The following LHCGR variants were observed in gnomAD, a reference collection of about 807,000 sequenced individuals.
LHCGR encodes lutropin-choriogonadotropic hormone receptor.
LHCGR carries 55 observed loss-of-function variants against 60.7 expected under a neutral mutation model. The ratio of observed to expected loss-of-function variants is 0.91; its 90% confidence interval spans 0.73 to 1.13. The LOEUF is 1.13. LHCGR is among the 50% of genes most tolerant of loss of function. The pLI, the probability that LHCGR is intolerant of heterozygous loss-of-function variation, is 0.00. For missense variants in LHCGR, 862 were observed against 836.0 expected (o/e 1.03, Z -0.38); for synonymous variants, 337 against 316.5 (o/e 1.06, Z -0.69).
intron 1 of LHCGR, among the ~76,000 whole-genome samples, chr2:48,734,270 A>G (rs1328403085): frequency 6.6e-6 from 1 of 152,214 alleles, no homozygotes; most frequent in East Asian, 1.9e-4. Flanking sequence ...GATATAATAT[A>G]CTGTTTGCAG....
At chr2:48,755,089 C>T (rs1670147171) in intron 1 of LHCGR, among the ~76,000 whole-genome samples, 1 of 152,104 alleles carries the variant, frequency 6.6e-6, no homozygotes, top group South Asian at 2.1e-4. Context: ...TAGAGGACCA[C>T]AGGGTGCCAG....
intron 1 of LHCGR, among the ~76,000 whole-genome samples, chr2:48,731,859 A>T (rs1021528723): frequency 1.4e-4 from 22 of 152,184 alleles, no homozygotes; most frequent in African/African-American, 5.1e-4. Context: ...CATTAAGAAC[A>T]TGCTCCCATC....
intron 8 of LHCGR, among the ~76,000 whole-genome samples, chr2:48,701,164 G>A (rs1667389713): frequency 6.6e-6 from 1 of 152,082 alleles, no homozygotes; most frequent in African/African-American, 2.4e-5. Flanking sequence ...ACAGACTTTG[G>A]GTTTTATAAT....
At chr2:48,711,726 C>G (rs1173312367) in intron 7 of LHCGR, among the ~76,000 whole-genome samples, 1 of 152,038 alleles carries the variant, frequency 6.6e-6, no homozygotes, top group South Asian at 2.1e-4. Context: ...ATTTAATATT[C>G]AGTTCTTTTA....
chr2:48,750,873 G>T (rs1273618083), intron 1 of LHCGR, among the ~76,000 whole-genome samples: 4 of 152,194 alleles, frequency 2.6e-5, no homozygotes, highest in African/African-American at 7.2e-5. Context: ...CACAATTTGG[G>T]AAGGCAGCGC....
chr2:48,726,511 C>T (rs1161019361), intron 3 of LHCGR, among the ~76,000 whole-genome samples: 1 of 152,206 alleles, frequency 6.6e-6, no homozygotes, highest in Admixed American at 6.5e-5. Flanking sequence ...CTCCCTCATT[C>T]CCCTAATTAC....
rs58335798 is a variant in LHCGR, at chr2:48,748,667, T to C, written c.161+6844A>G. Among the ~76,000 whole-genome samples, 913 of 152,350 alleles carry C rather than the reference T, an allele frequency of 6.0e-3. 8 individuals are homozygous for C. The highest frequency in any genetic ancestry group is 0.02 in the African/African-American group (842 of 41,574). On this transcript the variant is annotated intron_variant, in intron 1 of 10. Transcript: ENST00000294954. ...CCTCACATATGGGCTGTGGGTTTTTTAGTCTTCTCTGCATCATCAGATTAT... is the reference window on the plus strand; with the variant it reads ...CCTCACATATGGGCTGTGGGTTTTTCAGTCTTCTCTGCATCATCAGATTAT...
At chr2:48,745,454 C>T (rs1669657121) in intron 1 of LHCGR, among the ~76,000 whole-genome samples, 1 of 151,938 alleles carries the variant, frequency 6.6e-6, no homozygotes, top group Non-Finnish European at 1.5e-5. Flanking sequence ...GCCAAATGTC[C>T]AACAATGATA....
At chr2:48,709,410 C>T (rs775674451) in intron 7 of LHCGR, among the ~76,000 whole-genome samples, 2 of 152,194 alleles carry the variant, frequency 1.3e-5, no homozygotes, top group Admixed American at 6.5e-5. Flanking sequence ...GCCTCTCAGT[C>T]ATTGTGACCG....
rs1336192103 is a variant in LHCGR at position 48,688,957 on chromosome 2, A to G, written c.948-108T>C. On this transcript the variant is annotated intron_variant, in intron 10 of 10. Coordinates refer to ENST00000294954, the MANE Select transcript of LHCGR (RefSeq NM_000233.4). The surrounding 1 kb of genome is among the most constrained non-coding windows in gnomAD (Gnocchi z 5.2). ...AGAAACAAAAGGAAACAAAGCCATA[A>G]TAGCCTCAGCCTTACATTTATTTGT... is the stretch of plus-strand genomic sequence containing the variant. The G allele has an allele frequency of 1.1e-6, 1 of 947,218 alleles. No homozygotes were observed. The highest frequency in any genetic ancestry group is 1.7e-6 in the Non-Finnish European group (1 of 604,948). 58.7% of individuals were successfully genotyped at this position (947,218 alleles called of 1,614,324 possible).
intron 3 of LHCGR, among the ~76,000 whole-genome samples, chr2:48,726,031 C>A (rs911551961): frequency 1.3e-5 from 2 of 152,244 alleles, no homozygotes; most frequent in South Asian, 4.2e-4. Context: ...CCCTCTCCCC[C>A]ACCACAGACA....
In LHCGR at chr2:48,688,986, ATTAT is replaced by A; in HGVS notation, c.948-141_948-138del. ...CCTCAGCCTTACATTTATTTGTTAA[ATTAT>A]TTGAGAACTCTGATTTGATGTAGGA... On this transcript the variant is annotated intron_variant, in intron 10 of 10. Transcript: ENST00000294954. This position sits in a 1 kb window ranked among gnomAD's most constrained non-coding sequence, Gnocchi z 5.2. 1.3e-6 allele frequency: 1 copy of A among 796,112 alleles called. No homozygotes were observed. The highest frequency in any genetic ancestry group is 2.0e-6 in the Non-Finnish European group (1 of 495,406). 49.3% of individuals were successfully genotyped at this position (796,112 alleles called of 1,614,324 possible).
At chr2:48,696,574 G>A (rs562558455) in intron 9 of LHCGR, among the ~76,000 whole-genome samples, 5 of 152,048 alleles carry the variant, frequency 3.3e-5, no homozygotes, top group Non-Finnish European at 5.9e-5. Context: ...GATCACCTAC[G>A]TACCCATTAG....
rs758209548 is a variant in LHCGR, at chr2:48,688,349, G to A, written c.1448C>T (p.Ala483Val). 8.7e-6 allele frequency: 14 copies of A among 1,614,152 alleles called. No homozygotes were observed. Among genetic ancestry groups the A allele is most frequent in the Non-Finnish European group, 1.2e-5 (14 of 1,180,032 alleles). Residue 483 changes from alanine to valine, a missense_variant, in exon 11 of 11, where the codon GCC becomes GTC. Coordinates refer to ENST00000294954, the MANE Select transcript of LHCGR (RefSeq NM_000233.4). The surrounding 1 kb of genome is among the most constrained non-coding windows in gnomAD (Gnocchi z 5.2). ...CCATCCTCCAAGCATAATCAGAATG[G>A]CATGTCTTAATCGCAGCTTTTGGTC... ...HLDQKLRLRH[A>V]ILIMLGGWLF...
At chr2:48,696,170 A>G (rs552052598) in intron 9 of LHCGR, among the ~76,000 whole-genome samples, 1 of 152,296 alleles carries the variant, frequency 6.6e-6, no homozygotes, top group Admixed American at 6.5e-5. Context: ...CTTTGTTTTC[A>G]TAGAGAATGA....
chr2:48,703,017 G>A (rs1244247072), intron 8 of LHCGR, among the ~76,000 whole-genome samples: 1 of 152,232 alleles, frequency 6.6e-6, no homozygotes, highest in Non-Finnish European at 1.5e-5. Flanking sequence ...TTTCTCTCAT[G>A]ACCAGTGATG....
chr2:48,687,747 G>A lies in LHCGR; in HGVS notation c.2050C>T (p.His684Tyr). 6 of 1,614,112 alleles carry A rather than the reference G, an allele frequency of 3.7e-6. No individual in the cohort carries two copies. Among genetic ancestry groups the A allele is most frequent in the Non-Finnish European group, 5.1e-6 (6 of 1,179,978 alleles). The change falls in exon 11 of 11, where the codon CAC becomes TAC. Residue 684 changes from histidine to tyrosine, a missense_variant. His to Tyr is a moderately conservative substitution (Grantham distance 83). Coordinates refer to ENST00000294954, the MANE Select transcript of LHCGR (RefSeq NM_000233.4). Reference sequence around the variant, plus strand: ...TCTAGGAGAGCTGTACCTTGACAGTGCAATGTGGACAACTTCAAGGTGGAT... The same window carrying A: ...TCTAGGAGAGCTGTACCTTGACAGTACAATGTGGACAACTTCAAGGTGGAT... ...SQSTLKLSTL[H>Y]CQGTALLDKT...
At chr2:48,731,638 A>G (rs975137827) in intron 1 of LHCGR, among the ~76,000 whole-genome samples, 2 of 152,186 alleles carry the variant, frequency 1.3e-5, no homozygotes, top group Non-Finnish European at 2.9e-5. Context: ...TAAAATTGCA[A>G]TAATAATTCC....
At chr2:48,740,463 C>T (rs926765022) in intron 1 of LHCGR, among the ~76,000 whole-genome samples, 2 of 152,296 alleles carry the variant, frequency 1.3e-5, no homozygotes, top group Admixed American at 6.5e-5. Flanking sequence ...TTGAAGAGAG[C>T]AGTGGTTCTC....
Sources: gnomAD v4.1 joint callset for allele counts (sites outside exome capture counted in the v4.1 genomes callset) on GRCh38, gnomAD v4.1.1 for gene constraint, Gnocchi (gnomAD v3.1) non-coding constraint, MANE v1.5 for transcripts, NCBI Gene and HGNC (gene_info 2026-07-23, HGNC 2026-07-21) for gene names.